Variants in GPC5 observed in about 807,000 individuals in gnomAD.
The protein encoded by GPC5 is glypican-5.
A neutral mutation model predicts 53.9 loss-of-function variants in GPC5; 47 were observed. That is an observed-to-expected ratio of 0.87 (90% CI 0.69 to 1.11). GPC5 has a LOEUF of 1.11. GPC5 is among the 50% of genes most tolerant of loss of function. GPC5 has a pLI of 0.00. For missense variants in GPC5, 748 were observed against 713.1 expected, an observed-to-expected ratio of 1.05 and a Z score of -0.56; for synonymous variants, 286 against 263.3, an observed-to-expected ratio of 1.09 and a Z score of -0.84.
intron 7 of GPC5, among the ~76,000 whole-genome samples, chr13:92,534,553 T>A (rs1355487115): frequency 6.6e-6 from 1 of 152,186 alleles, no homozygotes; most frequent in Admixed American, 6.5e-5. Context: ...CATTACCAGA[T>A]TTTTTAGGTA....
chr13:92,729,404 A>C (rs777742849), intron 7 of GPC5, among the ~76,000 whole-genome samples: 2 of 151,444 alleles, frequency 1.3e-5, no homozygotes, highest in Non-Finnish European at 3.0e-5. Context: ...CACACAATGT[A>C]TTTCAAAATC....
intron 7 of GPC5, among the ~76,000 whole-genome samples, chr13:92,753,657 C>T (rs1874699245): frequency 6.6e-6 from 1 of 151,950 alleles, no homozygotes; most frequent in Admixed American, 6.6e-5. Context: ...AGCTGAAAAC[C>T]AAGGCTCGAG....
intron 6 of GPC5, among the ~76,000 whole-genome samples, chr13:92,051,304 T>G: frequency 6.7e-6 from 1 of 148,568 alleles, no homozygotes. Context: ...CGGGTTCAAG[T>G]GATTCTCCTG....
At chr13:91,686,105 TCACTC>T (rs1341841993) in intron 2 of GPC5, among the ~76,000 whole-genome samples, 2 of 152,064 alleles carry the variant, frequency 1.3e-5, no homozygotes, top group Admixed American at 6.6e-5. Flanking sequence ...TTTAAAATCT[TCACTC>T]CACAATAATT....
intron 7 of GPC5, among the ~76,000 whole-genome samples, chr13:92,806,593 A>G (rs545902051): frequency 6.6e-6 from 1 of 152,118 alleles, no homozygotes; most frequent in Non-Finnish European, 1.5e-5. Flanking sequence ...CATCCTATCA[A>G]TGAAGCACCT....
chr13:92,135,045 T>G (rs180708013), intron 6 of GPC5, among the ~76,000 whole-genome samples: 12 of 152,100 alleles, frequency 7.9e-5, no homozygotes, highest in African/African-American at 2.9e-4. Flanking sequence ...CATTTCCTTT[T>G]CCCCCCTCTC....
At chr13:92,396,896 G>A (rs1323240170) in intron 7 of GPC5, among the ~76,000 whole-genome samples, 1 of 152,172 alleles carries the variant, frequency 6.6e-6, no homozygotes, top group African/African-American at 2.4e-5. Context: ...TTCTCCAGCT[G>A]AGAAAAGGCT....
intron 7 of GPC5, among the ~76,000 whole-genome samples, chr13:92,355,649 C>T (rs182534871): frequency 1.8e-4 from 28 of 152,118 alleles, no homozygotes; most frequent in African/African-American, 6.7e-4. Flanking sequence ...ATTTCAATAC[C>T]TACCTACATA....
At chr13:91,539,514 C>A (rs2029865504) in intron 2 of GPC5, among the ~76,000 whole-genome samples, 1 of 152,102 alleles carries the variant, frequency 6.6e-6, no homozygotes, top group Non-Finnish European at 1.5e-5. Context: ...ACATTAACAA[C>A]AAAAAGATCT....
intron 7 of GPC5, among the ~76,000 whole-genome samples, chr13:92,161,956 C>CATATATATATATATATAT (rs55867004): frequency 4.2e-5 from 4 of 96,036 alleles, no homozygotes; most frequent in Non-Finnish European, 8.5e-5. Context: ...AATATATAGC[C>CATATATATATATATATAT]ATATATATAT....
intron 2 of GPC5, among the ~76,000 whole-genome samples, chr13:91,591,818 C>T (rs905541639): frequency 5.3e-5 from 8 of 152,158 alleles, no homozygotes; most frequent in African/African-American, 1.7e-4. Flanking sequence ...ATGCCTATTT[C>T]GTCTTACAGC....
At chr13:91,426,701 G>A (rs1879081599) in intron 1 of GPC5, among the ~76,000 whole-genome samples, 1 of 152,196 alleles carries the variant, frequency 6.6e-6, no homozygotes, top group Non-Finnish European at 1.5e-5. Context: ...GACTTAGCCT[G>A]TCTAGTCCTT....
chr13:92,144,753 T>C, intron 6 of GPC5, 77 bp from the exon 7 acceptor site: 1 of 1,408,318 alleles, frequency 7.1e-7, no homozygotes, highest in Non-Finnish European at 9.8e-7. Flanking sequence ...AAAATAATTC[T>C]AAATAAGTTT....
chr13:92,428,071 A>G (rs1485144214), intron 7 of GPC5, among the ~76,000 whole-genome samples: 1 of 152,136 alleles, frequency 6.6e-6, no homozygotes, highest in African/African-American at 2.4e-5. Flanking sequence ...ATTAATCAAC[A>G]AAAAAGAGAA....
intron 7 of GPC5, among the ~76,000 whole-genome samples, chr13:92,774,474 C>A (rs1345332731): frequency 6.6e-6 from 1 of 152,150 alleles, no homozygotes; most frequent in African/African-American, 2.4e-5. Flanking sequence ...AGTTCCTACC[C>A]TCCTGGAGCT....
chr13:92,416,279 C>T (rs886803302), intron 7 of GPC5, among the ~76,000 whole-genome samples: 4 of 151,934 alleles, frequency 2.6e-5, no homozygotes, highest in African/African-American at 7.3e-5. Context: ...TATGGTCACC[C>T]GACAATGTTT....
At chr13:91,489,347 TTC>T (rs1380439586) in intron 2 of GPC5, among the ~76,000 whole-genome samples, 1 of 152,170 alleles carries the variant, frequency 6.6e-6, no homozygotes, top group African/African-American at 2.4e-5. Flanking sequence ...GCTTTAAAAT[TTC>T]TCTCTTTTGT....
intron 7 of GPC5, among the ~76,000 whole-genome samples, chr13:92,155,956 T>G (rs2041942149): frequency 6.6e-6 from 1 of 152,192 alleles, no homozygotes; most frequent in Non-Finnish European, 1.5e-5. Flanking sequence ...TGGTGATAAA[T>G]TTTTGTGAGA....
chr13:92,748,745 C>CT (rs961016838), intron 7 of GPC5, among the ~76,000 whole-genome samples: 2 of 151,960 alleles, frequency 1.3e-5, no homozygotes, highest in Non-Finnish European at 2.9e-5. Context: ...ATGAATACTC[C>CT]TTTTTTTAAT....
Sources: allele counts gnomAD v4.1 joint callset (sites outside exome capture counted in the v4.1 genomes callset), GRCh38; gene constraint gnomAD v4.1.1; transcripts MANE v1.5; gene names NCBI Gene and HGNC (gene_info 2026-07-23, HGNC 2026-07-21).